OSBPL8: variants seen among roughly 807,000 people sequenced by gnomAD.
OSBPL8 encodes the protein oxysterol binding protein like 8.
A neutral mutation model predicts 125.5 loss-of-function variants in OSBPL8; 59 were observed. That is an observed-to-expected ratio of 0.47 (90% confidence interval 0.38 to 0.58). OSBPL8 has a LOEUF of 0.58. OSBPL8 is among the 20% of genes least tolerant of loss of function. The pLI, the probability that OSBPL8 is intolerant of heterozygous loss-of-function variation, is 0.00. For missense variants in OSBPL8, 758 were observed against 1,047.8 expected (o/e 0.72, Z 3.82); for synonymous variants, 330 against 338.9 (o/e 0.97, Z 0.29).
chr12:76,366,068 T>C (rs1283400296), intron 21 of OSBPL8, among the ~76,000 whole-genome samples: 1 of 152,220 alleles, frequency 6.6e-6, no homozygotes, highest in African/African-American at 2.4e-5. Flanking sequence ...TGTCTTTATC[T>C]GGCTTTGGCA....
At chr12:76,516,970 T>G (rs886160039) in intron 1 of OSBPL8, among the ~76,000 whole-genome samples, 3 of 152,010 alleles carry the variant, frequency 2.0e-5, no homozygotes, top group African/African-American at 7.2e-5. Flanking sequence ...TATGTCACAG[T>G]GCCCAGCTAA....
intron 21 of OSBPL8, among the ~76,000 whole-genome samples, chr12:76,360,084 G>C (rs1952140966): frequency 6.6e-6 from 1 of 152,120 alleles, no homozygotes; most frequent in South Asian, 2.1e-4. Flanking sequence ...TAACCCAAAA[G>C]TCCACAGTCC....
intron 5 of OSBPL8, among the ~76,000 whole-genome samples, chr12:76,405,718 C>T (rs766499529): frequency 7.6e-4 from 115 of 152,118 alleles, no homozygotes; most frequent in Admixed American, 4.8e-3. Flanking sequence ...TGAATCAAAA[C>T]ACCTTTCAAA....
At chr12:76,465,031 C>T (rs1343065186) in intron 2 of OSBPL8, among the ~76,000 whole-genome samples, 1 of 152,118 alleles carries the variant, frequency 6.6e-6, no homozygotes, top group Non-Finnish European at 1.5e-5. Flanking sequence ...CTACACTTAG[C>T]TGAATTTTTA....
At chr12:76,426,442 C>G (rs1870154798) in intron 4 of OSBPL8, among the ~76,000 whole-genome samples, 1 of 151,750 alleles carries the variant, frequency 6.6e-6, no homozygotes, top group African/African-American at 2.4e-5. Flanking sequence ...AAAGAAATAA[C>G]CATAAATTGT....
intron 19 of OSBPL8, chr12:76,371,074 T>C (rs1952601916): frequency 6.4e-6 from 1 of 155,530 alleles, no homozygotes; most frequent in Non-Finnish European, 1.4e-5. Context: ...AGAAGTAGAT[T>C]CTGCACCACT....
intron 4 of OSBPL8, among the ~76,000 whole-genome samples, chr12:76,437,944 C>G (rs114685424): frequency 6.6e-6 from 1 of 152,278 alleles, no homozygotes; most frequent in African/African-American, 2.4e-5. Context: ...TATAGGCACA[C>G]AGAACTGCAG....
chr12:76,412,459 C>T (rs1028618160), intron 4 of OSBPL8, among the ~76,000 whole-genome samples: 3 of 152,132 alleles, frequency 2.0e-5, no homozygotes, highest in African/African-American at 7.2e-5. Context: ...CACACCCTTT[C>T]CCTACTCTTC....
chr12:76,371,153 T>C (rs904266165), intron 19 of OSBPL8: 2 of 191,074 alleles, frequency 1.0e-5, no homozygotes, highest in Non-Finnish European at 2.1e-5. Context: ...CTAAGAGTCA[T>C]TAATTAGTCC....
At chr12:76,545,479 T>A (rs1427648409) in intron 1 of OSBPL8, among the ~76,000 whole-genome samples, 1 of 152,210 alleles carries the variant, frequency 6.6e-6, no homozygotes, top group Non-Finnish European at 1.5e-5. Context: ...TGACGGTTCA[T>A]TACTAAGGAT....
intron 4 of OSBPL8, among the ~76,000 whole-genome samples, chr12:76,424,197 C>T (rs1209651488): frequency 2.6e-5 from 4 of 152,022 alleles, no homozygotes; most frequent in African/African-American, 7.2e-5. Flanking sequence ...GATGGGGTTT[C>T]GCCATGTTGG....
At chr12:76,514,441 T>C (rs1265812711) in intron 1 of OSBPL8, among the ~76,000 whole-genome samples, 1 of 151,966 alleles carries the variant, frequency 6.6e-6, no homozygotes, top group Non-Finnish European at 1.5e-5. Context: ...ATGAGCCGGC[T>C]AGAAATGAAA....
At chr12:76,361,314 C>T (rs940648993) in intron 21 of OSBPL8, among the ~76,000 whole-genome samples, 1 of 152,178 alleles carries the variant, frequency 6.6e-6, no homozygotes, top group African/African-American at 2.4e-5. Context: ...ACCTTTGCTC[C>T]AGTTCCCAAC....
chr12:76,490,698 T>C (rs1240890708), intron 1 of OSBPL8, among the ~76,000 whole-genome samples: 2 of 152,216 alleles, frequency 1.3e-5, no homozygotes, highest in African/African-American at 4.8e-5. Context: ...GAGCCACAAG[T>C]GTGGATACAA....
At chr12:76,504,881 T>C (rs1255589061) in intron 1 of OSBPL8, among the ~76,000 whole-genome samples, 2 of 152,174 alleles carry the variant, frequency 1.3e-5, no homozygotes, top group Non-Finnish European at 2.9e-5. Context: ...AGATGTCTTT[T>C]CAGGCTTCTG....
chr12:76,490,284 G>A (rs974009089), intron 1 of OSBPL8, among the ~76,000 whole-genome samples: 4 of 152,340 alleles, frequency 2.6e-5, no homozygotes, highest in African/African-American at 7.2e-5. Flanking sequence ...GTCGAAAAGC[G>A]TGAAACGGCA....
chr12:76,389,536 G>T, intron 12 of OSBPL8, 109 bp downstream of exon 12: 1 of 847,926 alleles, frequency 1.2e-6, no homozygotes, highest in Non-Finnish European at 1.8e-6. Context: ...AGAGAGTGAT[G>T]TCTCATTAGA....
intron 4 of OSBPL8, among the ~76,000 whole-genome samples, chr12:76,423,747 C>T (rs552957744): frequency 3.1e-4 from 47 of 152,150 alleles, no homozygotes; most frequent in African/African-American, 1.1e-3. Flanking sequence ...CTATATATGC[C>T]GTAGATTGAT....
At chr12:76,456,090 A>T (rs1392037057) in intron 3 of OSBPL8, among the ~76,000 whole-genome samples, 1 of 152,226 alleles carries the variant, frequency 6.6e-6, no homozygotes. Context: ...TACCTTCTGA[A>T]TTCAACTCAT....
Sources: allele counts gnomAD v4.1 joint callset (sites outside exome capture counted in the v4.1 genomes callset), GRCh38; gene constraint gnomAD v4.1.1; transcripts MANE v1.5; gene names NCBI Gene and HGNC (gene_info 2026-07-23, HGNC 2026-07-21).